ALK: variants seen among roughly 807,000 people sequenced by gnomAD.
ALK encodes ALK receptor tyrosine kinase.
Under a neutral mutation model 163.1 loss-of-function variants are expected in ALK, and 74 were observed. The observed-to-expected ratio is 0.45, with a 90% CI of 0.38 to 0.55. The LOEUF is 0.55. Among genes scored for constraint, ALK ranks in the 20% least tolerant of loss-of-function variants. The pLI is 0.00. For missense variants in ALK, 2,063 were observed against 2,105.3 expected (o/e 0.98, Z 0.39); for synonymous variants, 960 against 843.2 (o/e 1.14, Z -2.40).
chr2:29,235,856 CTT>C (rs569363324), intron 13 of ALK, among the ~76,000 whole-genome samples: 41 of 38,278 alleles, frequency 1.1e-3, no homozygotes, highest in Admixed American at 3.4e-3. Flanking sequence ...CCAGGCTCGA[CTT>C]TTTTTTTTTT....
At chr2:29,710,765 C>T (rs947080348) in intron 2 of ALK, among the ~76,000 whole-genome samples, 1 of 152,082 alleles carries the variant, frequency 6.6e-6, no homozygotes, top group Non-Finnish European at 1.5e-5. Flanking sequence ...ACCTGCTTGG[C>T]CTTCCAAATT....
chr2:29,614,036 G>A (rs1421661647), intron 3 of ALK, among the ~76,000 whole-genome samples: 2 of 152,150 alleles, frequency 1.3e-5, no homozygotes, highest in African/African-American at 4.8e-5. Context: ...AGCCTTGTGT[G>A]ACAGGAGACT....
chr2:29,672,331 C>A (rs1444471817), intron 3 of ALK, among the ~76,000 whole-genome samples: 1 of 150,566 alleles, frequency 6.6e-6, no homozygotes, highest in Non-Finnish European at 1.5e-5. Flanking sequence ...CCCCCTTCCC[C>A]CCACCCCACA....
chr2:29,336,266 T>C (rs60330717), intron 5 of ALK, among the ~76,000 whole-genome samples: 33,740 of 152,134 alleles, frequency 0.22, 4,284 homozygotes, highest in African/African-American at 0.33. Context: ...CTGTTGGTGG[T>C]TGCATGTTTA....
At chr2:29,263,840 C>T (rs764187170) in intron 11 of ALK, among the ~76,000 whole-genome samples, 1 of 152,206 alleles carries the variant, frequency 6.6e-6, no homozygotes. Flanking sequence ...TCTAGGGCCA[C>T]TGAATTAACA....
intron 26 of ALK, 59 bp from the exon 27 acceptor site, chr2:29,197,735 A>C: frequency 7.3e-7 from 1 of 1,364,662 alleles, no homozygotes; most frequent in South Asian, 1.2e-5. Context: ...ACATTCACAC[A>C]CACACACAGG....
intron 11 of ALK, among the ~76,000 whole-genome samples, chr2:29,253,833 A>T (rs1429580206): frequency 1.4e-5 from 2 of 146,868 alleles, no homozygotes; most frequent in African/African-American, 2.5e-5. Context: ...GAAAGAATAC[A>T]TATATCTATA....
intron 3 of ALK, among the ~76,000 whole-genome samples, chr2:29,633,421 G>T (rs1280860749): frequency 6.6e-6 from 1 of 151,950 alleles, no homozygotes; most frequent in Non-Finnish European, 1.5e-5. Flanking sequence ...CACAGTTAAG[G>T]CAGTGATGAA....
At chr2:29,406,564 A>C (rs184325067) in intron 4 of ALK, among the ~76,000 whole-genome samples, 1 of 152,318 alleles carries the variant, frequency 6.6e-6, no homozygotes, top group African/African-American at 2.4e-5. Flanking sequence ...CAGAGCCTGC[A>C]TGGAGCTGGG....
chr2:29,537,888 A>G (rs995397509), intron 3 of ALK, among the ~76,000 whole-genome samples: 2 of 152,230 alleles, frequency 1.3e-5, no homozygotes, highest in Non-Finnish European at 2.9e-5. Flanking sequence ...AAAGAAGATT[A>G]TTTTGAAGCT....
chr2:29,625,114 G>A (rs1422334852), intron 3 of ALK, among the ~76,000 whole-genome samples: 1 of 152,160 alleles, frequency 6.6e-6, no homozygotes, highest in Non-Finnish European at 1.5e-5. Context: ...AATGTGTGTG[G>A]GATTCAAGGA....
chr2:29,302,814 T>C (rs1051571603), intron 8 of ALK, among the ~76,000 whole-genome samples: 4 of 152,194 alleles, frequency 2.6e-5, no homozygotes, highest in African/African-American at 9.7e-5. Context: ...GTCCACTGGC[T>C]AGCCATAGGC....
chr2:29,892,330 G>A (rs1168992690), intron 1 of ALK: 1 of 152,210 alleles, frequency 6.6e-6, no homozygotes, highest in Non-Finnish European at 1.5e-5. Context: ...CTGAAGAAGA[G>A]CAGCAGCCAT....
At chr2:29,398,599 C>T (rs1183610394) in intron 4 of ALK, among the ~76,000 whole-genome samples, 1 of 152,170 alleles carries the variant, frequency 6.6e-6, no homozygotes, top group East Asian at 1.9e-4. Context: ...CCCATGTCTT[C>T]ACCCAGGCCT....
At chr2:29,548,151 A>G (rs914320169) in intron 3 of ALK, among the ~76,000 whole-genome samples, 1 of 152,136 alleles carries the variant, frequency 6.6e-6, no homozygotes, top group African/African-American at 2.4e-5. Flanking sequence ...GGGATTGACA[A>G]CATGGGATGT....
chr2:29,775,727 A>G (rs904707322), intron 1 of ALK, among the ~76,000 whole-genome samples: 2 of 152,206 alleles, frequency 1.3e-5, no homozygotes, highest in East Asian at 3.9e-4. Flanking sequence ...AAATGGGGAT[A>G]GTAATTGTAC....
At chr2:29,392,978 A>AGGTC (rs1669212992) in intron 4 of ALK, among the ~76,000 whole-genome samples, 1 of 152,222 alleles carries the variant, frequency 6.6e-6, no homozygotes, top group African/African-American at 2.4e-5. Flanking sequence ...AGATCACTCA[A>AGGTC]AGTTCAAGGT....
chr2:29,406,745 C>T (rs1421154444), intron 4 of ALK, among the ~76,000 whole-genome samples: 2 of 151,792 alleles, frequency 1.3e-5, no homozygotes, highest in Non-Finnish European at 2.9e-5. Flanking sequence ...ACTGAAAATA[C>T]AAAAATCAGC....
intron 3 of ALK, among the ~76,000 whole-genome samples, chr2:29,669,207 T>G (rs532354662): frequency 6.6e-6 from 1 of 152,098 alleles, no homozygotes; most frequent in Non-Finnish European, 1.5e-5. Flanking sequence ...TAAAGTCTCT[T>G]ACTATTATTG....
Sources: allele counts gnomAD v4.1 joint callset (sites outside exome capture counted in the v4.1 genomes callset), GRCh38; gene constraint gnomAD v4.1.1; transcripts MANE v1.5; gene names NCBI Gene and HGNC (gene_info 2026-07-23, HGNC 2026-07-21).